INPP4A: variants seen among roughly 807,000 people sequenced by gnomAD.
INPP4A encodes the protein inositol polyphosphate-4-phosphatase, type I, 107kD.
INPP4A carries 33 observed loss-of-function variants against 119.8 expected under a neutral mutation model. The observed-to-expected ratio is 0.28, with a 90% CI of 0.21 to 0.37. INPP4A has a LOEUF of 0.37. INPP4A is among the 10% of genes least tolerant of loss of function. INPP4A has a pLI of 1.00. For missense variants in INPP4A, 956 were observed against 1,289.9 expected, an observed-to-expected ratio of 0.74 and a Z score of 3.97; for synonymous variants, 496 against 500.7, an observed-to-expected ratio of 0.99 and a Z score of 0.12.
chr2:98,585,991 G>A (rs758924942), intron 24 of INPP4A, among the ~76,000 whole-genome samples: 62 of 152,338 alleles, frequency 4.1e-4, no homozygotes, highest in Non-Finnish European at 6.6e-4. Flanking sequence ...AAGATTAAAG[G>A]AGATTAACTG....
At position 98,583,735 on chromosome 2, in the gene INPP4A, G is replaced by A. The variant is rs76874938; in HGVS notation, c.2787-3741G>A. ...CCCATGCATGCCCAGAAACCCAGTC[G>A]ACCACAAAAGGCAGCGAGCGACCTC... On this transcript the variant is annotated intron_variant, in intron 24 of 24. Coordinates refer to ENST00000409851, the MANE Select transcript of INPP4A (RefSeq NM_001134225.2). Among the ~76,000 whole-genome samples, 22 of 152,154 alleles carry A rather than the reference G, an allele frequency of 1.4e-4. No individual in the cohort carries two copies. The East Asian group carries it at 4.1e-3, about 28-fold the overall frequency.
chr2:98,501,920 G>A (rs759706145), intron 1 of INPP4A, among the ~76,000 whole-genome samples: 2 of 152,230 alleles, frequency 1.3e-5, no homozygotes, highest in African/African-American at 2.4e-5. Context: ...GCTGTGAAGC[G>A]TTCAGCAGCA....
At chr2:98,520,416 A>C (rs1484866145) in intron 3 of INPP4A, among the ~76,000 whole-genome samples, 1 of 152,190 alleles carries the variant, frequency 6.6e-6, no homozygotes, top group Non-Finnish European at 1.5e-5. Flanking sequence ...TAGTGTGGGA[A>C]TGTCCAAGTG....
intron 24 of INPP4A, among the ~76,000 whole-genome samples, chr2:98,583,426 C>T (rs1287678831): frequency 3.3e-5 from 5 of 152,164 alleles, no homozygotes; most frequent in Admixed American, 1.3e-4. Context: ...TCAGTCCTCA[C>T]GTGGCATTCC....
intron 22 of INPP4A, among the ~76,000 whole-genome samples, chr2:98,572,243 G>C (rs1697596217): frequency 6.6e-6 from 1 of 152,244 alleles, no homozygotes; most frequent in Admixed American, 6.5e-5. Flanking sequence ...TGGATCTTCA[G>C]GCCCAAGGGG....
At position 98,514,112 on chromosome 2, in the gene INPP4A, C is replaced by T. The variant is rs1161371757; in HGVS notation, c.-165-4852C>T. Among the ~76,000 whole-genome samples the T allele has an allele frequency of 2.0e-5, 3 of 152,186 alleles. No individual in the cohort carries two copies. In the East Asian group the frequency reaches 5.8e-4, roughly 29 times the overall value. The stretch of plus-strand genomic sequence containing the variant: ...ACATTTTCTTTCTAGGTTGGATTAA[C>T]AGCTCTAGTAGAGCCACTTCAGTGA... On this transcript the variant is annotated intron_variant, in intron 1 of 24. Transcript: ENST00000409851.
chr2:98,558,828 A>C (rs528734737), intron 16 of INPP4A, among the ~76,000 whole-genome samples: 1 of 152,274 alleles, frequency 6.6e-6, no homozygotes, highest in Non-Finnish European at 1.5e-5. Flanking sequence ...ATGGAATCAA[A>C]AGTGGTATTC....
intron 24 of INPP4A, chr2:98,581,529 C>CTTTCCTT: frequency 6.8e-7 from 1 of 1,476,282 alleles, no homozygotes. Flanking sequence ...ATTTTCTTTC[C>CTTTCCTT]TTTCCTTTTT....
chr2:98,501,845 A>G (rs1467105952), intron 1 of INPP4A, among the ~76,000 whole-genome samples: 1 of 152,192 alleles, frequency 6.6e-6, no homozygotes, highest in Non-Finnish European at 1.5e-5. Context: ...TTTCCATCAC[A>G]TTTATCTGCG....
chr2:98,486,546 A>G (rs1679572649), intron 1 of INPP4A, among the ~76,000 whole-genome samples: 1 of 152,246 alleles, frequency 6.6e-6, no homozygotes, highest in Non-Finnish European at 1.5e-5. Flanking sequence ...CTGTTCTGGC[A>G]GAAGTTCCTC....
intron 4 of INPP4A, chr2:98,521,626 C>T (rs961448190): frequency 8.5e-5 from 13 of 152,364 alleles, no homozygotes; most frequent in Middle Eastern, 3.4e-3. Flanking sequence ...ATTGCAAAAC[C>T]CATAAAAGTG....
chr2:98,568,681 T>A lies in INPP4A; in HGVS notation c.2518+13T>A, dbSNP rs374949218. On this transcript the variant is annotated intron_variant, in intron 22 of 24. Transcript: ENST00000409851. Reference sequence around the variant, plus strand: ...TTGCCTGAGGATTGTAAGTATTTCTTCAGTCATGGTAGGTTTCACTTACTC... The same window carrying A: ...TTGCCTGAGGATTGTAAGTATTTCTACAGTCATGGTAGGTTTCACTTACTC... 1.4e-6 allele frequency: 2 copies of A among 1,410,936 alleles called. No individual in the cohort carries two copies. Among genetic ancestry groups the A allele is most frequent in the Admixed American group, 1.8e-5 (1 of 54,792 alleles). The allele number at this position is 1,410,936 out of a possible 1,614,324, so 87.4% of individuals were successfully genotyped here.
rs763998704 is a variant in INPP4A, at chr2:98,589,653, G to A, written c.*2045G>A. ...TTCAGGTTTCAGTATTCTCTCTGAA[G>A]GCATCATTCCTGGGCTTCCGGCAGC... On this transcript the variant is annotated 3_prime_UTR_variant, in exon 25 of 25. Transcript: ENST00000409851. 7 of 179,840 alleles carry A rather than the reference G, an allele frequency of 3.9e-5. No homozygotes were observed. The highest frequency in any genetic ancestry group is 8.3e-5 in the Non-Finnish European group (7 of 84,082). 11.1% of individuals were successfully genotyped at this position (179,840 alleles called of 1,614,324 possible).
rs1474658664 is a variant in INPP4A, at chr2:98,588,744, AGAT to A, written c.*1145_*1147del. 4.5e-6 allele frequency: 1 copy of A among 222,212 alleles called. No homozygotes were observed. Among genetic ancestry groups the A allele is most frequent in the Non-Finnish European group, 9.0e-6 (1 of 111,336 alleles). 13.8% of individuals were successfully genotyped at this position (222,212 alleles called of 1,614,324 possible). A position where few individuals can be genotyped will look rare whatever the true frequency, so the allele number is the denominator to read the frequency against. ...AAATTTTGTCTGGTCATCTTTTATA[AGAT>A]GATGATGAGTCTTATCTGCACATAG... On this transcript the variant is annotated 3_prime_UTR_variant, in exon 25 of 25. Coordinates refer to ENST00000409851, the MANE Select transcript of INPP4A (RefSeq NM_001134225.2).
intron 1 of INPP4A, among the ~76,000 whole-genome samples, chr2:98,505,962 CAA>C (rs970294440): frequency 3.3e-5 from 5 of 152,092 alleles, no homozygotes; most frequent in Admixed American, 6.5e-5. Context: ...GAAACAATAA[CAA>C]TATTTCTTCG....
chr2:98,448,988 C>G (rs779775749), intron 1 of INPP4A, among the ~76,000 whole-genome samples: 3 of 152,196 alleles, frequency 2.0e-5, no homozygotes, highest in Non-Finnish European at 2.9e-5. Flanking sequence ...CAGGCGTGAG[C>G]CACTGTGCCC....
At chr2:98,498,359 G>C (rs545513532) in intron 1 of INPP4A, among the ~76,000 whole-genome samples, 2 of 151,980 alleles carry the variant, frequency 1.3e-5, no homozygotes, top group Non-Finnish European at 2.9e-5. Context: ...TGCTTTCTGC[G>C]ATGTAAGATG....
chr2:98,457,795 C>G (rs1189150863), intron 1 of INPP4A, among the ~76,000 whole-genome samples: 1 of 151,982 alleles, frequency 6.6e-6, no homozygotes, highest in Non-Finnish European at 1.5e-5. Context: ...GGGAGAAACT[C>G]TTATTTTTGT....
rs1696415916 is a variant in INPP4A, at chr2:98,566,224, G to GA, written c.2420+59dup. On this transcript the variant is annotated intron_variant, in intron 21 of 24. Transcript: ENST00000409851. The surrounding 1 kb of genome is among the most constrained non-coding windows in gnomAD (Gnocchi z 4.2). ...GTGTGGTGGCCCTGGAGATGATGCA[G>GA]AAAACGTACTTACCCCTCTTCAGGC... 20 of 1,504,902 alleles carry GA rather than the reference G, an allele frequency of 1.3e-5. No homozygotes were observed. In the South Asian group the frequency reaches 2.0e-4, roughly 15 times the overall value. The allele number at this position is 1,504,902 out of a possible 1,614,324, so 93.2% of individuals were successfully genotyped here.
Sources: allele counts gnomAD v4.1 joint callset (sites outside exome capture counted in the v4.1 genomes callset), GRCh38; gene constraint gnomAD v4.1.1; non-coding constraint Gnocchi (gnomAD v3.1); transcripts MANE v1.5; gene names NCBI Gene and HGNC (gene_info 2026-07-23, HGNC 2026-07-21).